The following PIR variants were observed in gnomAD, a reference collection of about 807,000 sequenced individuals.
PIR encodes the protein pirin, also known as pirin (iron-binding nuclear protein).
A neutral mutation model predicts 24.2 loss-of-function variants in PIR; 22 were observed. The observed-to-expected ratio is 0.91, with a 90% CI of 0.65 to 1.30. PIR has a LOEUF of 1.30. PIR is among the 50% of genes most tolerant of loss of function. The pLI is 0.00. For synonymous variants in PIR, 80 were observed against 79.6 expected (o/e 1.00, Z -0.03); for missense variants, 220 against 220.3 (o/e 1.00, Z 0.01).
intron 7 of PIR, among the ~76,000 whole-genome samples, chrX:15,406,992 T>C (rs933390858): frequency 3.6e-5 from 4 of 112,344 alleles, no homozygotes; most frequent in African/African-American, 1.3e-4. Context: ...ACGTTCCTCA[T>C]CTATAAAATG....
intron 8 of PIR, 75 bp downstream of exon 8, chrX:15,397,374 A>T (rs1924199157): frequency 2.9e-6 from 2 of 697,568 alleles, no homozygotes; most frequent in Non-Finnish European, 4.7e-6. Flanking sequence ...TCAGTTATCC[A>T]CAACATTTAG....
intron 5 of PIR, among the ~76,000 whole-genome samples, chrX:15,428,220 G>C (rs1489152182): frequency 2.7e-5 from 3 of 111,475 alleles, no homozygotes; most frequent in Non-Finnish European, 3.8e-5. Context: ...ATCAATCAGA[G>C]AGCTTGAAAC....
intron 3 of PIR, among the ~76,000 whole-genome samples, chrX:15,465,639 C>T (rs1894368903): frequency 8.9e-6 from 1 of 112,069 alleles, no homozygotes; most frequent in Non-Finnish European, 1.9e-5. Context: ...TCTTTTCCTC[C>T]TTCTAATTCT....
At chrX:15,481,346 C>A (rs1922490586) in intron 2 of PIR, among the ~76,000 whole-genome samples, 1 of 111,800 alleles carries the variant, frequency 8.9e-6, no homozygotes, top group Non-Finnish European at 1.9e-5. Context: ...TTATTCTTGA[C>A]CATGTTATTT....
intron 3 of PIR, among the ~76,000 whole-genome samples, chrX:15,461,026 C>A (rs1361838786): frequency 8.9e-6 from 1 of 111,922 alleles, no homozygotes; most frequent in Non-Finnish European, 1.9e-5. Flanking sequence ...CAGAATCTCA[C>A]CTAGGTGCCC....
intron 8 of PIR, among the ~76,000 whole-genome samples, chrX:15,392,198 A>C (rs1923982647): frequency 9.0e-6 from 1 of 111,508 alleles, no homozygotes; most frequent in East Asian, 2.8e-4. Context: ...AGAAATAATA[A>C]ATGATTGTTA....
intron 1 of PIR, among the ~76,000 whole-genome samples, chrX:15,491,661 C>A (rs1488582769): frequency 9.0e-6 from 1 of 111,704 alleles, no homozygotes; most frequent in Non-Finnish European, 1.9e-5. Flanking sequence ...GACAGTAGTC[C>A]CATAAGACTA....
At chrX:15,439,820 C>T (rs1297673691) in intron 5 of PIR, among the ~76,000 whole-genome samples, 1 of 112,086 alleles carries the variant, frequency 8.9e-6, no homozygotes, top group Non-Finnish European at 1.9e-5. Context: ...GCCTATGCTC[C>T]TTTCAGTCCC....
chrX:15,469,958 C>T (rs1278547990), intron 3 of PIR, among the ~76,000 whole-genome samples: 3 of 111,743 alleles, frequency 2.7e-5, no homozygotes, highest in Non-Finnish European at 5.6e-5. Context: ...GGTGTTTATT[C>T]ATAGTTTTAT....
chrX:15,480,049 G>A (rs1370013108), intron 2 of PIR, among the ~76,000 whole-genome samples: 2 of 111,780 alleles, frequency 1.8e-5, no homozygotes, highest in East Asian at 5.6e-4. Context: ...CCCGTGTGTT[G>A]TGGGAGCAAC....
At chrX:15,415,441 C>G (rs1192022897) in intron 6 of PIR, among the ~76,000 whole-genome samples, 1 of 111,723 alleles carries the variant, frequency 9.0e-6, no homozygotes, top group Non-Finnish European at 1.9e-5. Flanking sequence ...CCATTTTTTC[C>G]TCTGTTTCAA....
intron 2 of PIR, among the ~76,000 whole-genome samples, chrX:15,489,170 T>C (rs1923029673): frequency 8.9e-6 from 1 of 112,100 alleles, no homozygotes; most frequent in Non-Finnish European, 1.9e-5. Context: ...GAAATATTGT[T>C]CGTGTTCTTC....
At chrX:15,421,458 A>G (rs1261199684) in intron 6 of PIR, among the ~76,000 whole-genome samples, 2 of 111,299 alleles carry the variant, frequency 1.8e-5, no homozygotes, top group South Asian at 3.7e-4. Flanking sequence ...GAAAAAGAAG[A>G]CACAATAACT....
At chrX:15,471,128 ATTC>A (rs1921892026) in intron 3 of PIR, among the ~76,000 whole-genome samples, 1 of 111,890 alleles carries the variant, frequency 8.9e-6, no homozygotes, top group Admixed American at 9.5e-5. Context: ...CGAGGCTTTA[ATTC>A]TTTGCTGTGG....
chrX:15,419,892 G>A (rs776605284), intron 6 of PIR, among the ~76,000 whole-genome samples: 97 of 96,574 alleles, frequency 1.0e-3, no homozygotes, highest in Non-Finnish European at 1.7e-3. Context: ...GCTAAACTCC[G>A]TGTCAAAAAA....
chrX:15,464,617 T>G (rs1251496459), intron 3 of PIR, among the ~76,000 whole-genome samples: 1 of 111,872 alleles, frequency 8.9e-6, no homozygotes, highest in African/African-American at 3.3e-5. Context: ...GACCTGCATT[T>G]TTTATAGAGA....
chrX:15,479,779 C>T lies in PIR; in HGVS notation c.139G>A (p.Gly47Arg). ...DPFLLFDEFK[G>R]GRPGGFPDHP... is the part of the protein sequence containing the mutation. ...TCAGGAAATCCTCCTGGTCTACCTC[C>T]TTTAAATTCATCAAACAGTAAAAAC... is the stretch of plus-strand genomic sequence containing the variant. The change falls in exon 3 of 10, where the codon GGA (glycine) becomes AGA (arginine). Residue 47 changes from glycine to arginine, a missense_variant. Gly to Arg is a moderately radical substitution (Grantham distance 125, BLOSUM62 -2). Transcript: ENST00000380420. 2.5e-5 allele frequency: 30 copies of T among 1,181,902 alleles called. No individual in the cohort carries two copies. The highest frequency in any genetic ancestry group is 3.3e-5 in the Non-Finnish European group (29 of 873,839).
At chrX:15,462,929 T>C (rs1403669056) in intron 3 of PIR, among the ~76,000 whole-genome samples, 15 of 112,257 alleles carry the variant, frequency 1.3e-4, no homozygotes, top group Non-Finnish European at 3.8e-5. Context: ...ACAGATACAG[T>C]AATTGTCTTC....
At position 15,436,950 on chromosome X, in the gene PIR, AG is replaced by A. The variant is rs757794563; in HGVS notation, c.481-10961del. Among the ~76,000 whole-genome samples the A allele has an allele frequency of 2.4e-4, 27 of 112,229 alleles. No individual in the cohort carries two copies. The East Asian group carries it at 6.7e-3, about 28-fold the overall frequency. ...GACAGGCAGGGGTGTCTGCTTGTAC[AG>A]GCATGTGCCTGAAGGTACCCTTTTG... On this transcript the variant is annotated intron_variant, in intron 5 of 9. Transcript: ENST00000380420.
Sources: allele counts gnomAD v4.1 joint callset (sites outside exome capture counted in the v4.1 genomes callset), GRCh38; gene constraint gnomAD v4.1.1; transcripts MANE v1.5; gene names NCBI Gene and HGNC (gene_info 2026-07-23, HGNC 2026-07-21).